EIF4A1: variants seen among roughly 807,000 people sequenced by gnomAD.
EIF4A1 encodes the protein eukaryotic translation initiation factor 4A1.
EIF4A1 carries 11 observed loss-of-function variants against 53.5 expected under a neutral mutation model. That is an observed-to-expected ratio of 0.21 (90% CI 0.13 to 0.34). The LOEUF (loss-of-function observed/expected upper bound fraction) is 0.34, where lower values mean the gene tolerates loss of function less well. Ranked by LOEUF, EIF4A1 falls within the 10% of genes least tolerant of loss-of-function variation. The pLI, the probability that EIF4A1 is intolerant of heterozygous loss-of-function variation, is 1.00. For missense variants in EIF4A1, 213 were observed against 530.8 expected, an observed-to-expected ratio of 0.40 and a Z score of 5.88; for synonymous variants, 237 against 186.7, an observed-to-expected ratio of 1.27 and a Z score of -2.20.
At chr17:7,574,481 T>C in intron 2 of EIF4A1, 65 bp from the exon 3 acceptor site, 1 of 1,606,568 alleles carries the variant, frequency 6.2e-7, no homozygotes, top group Middle Eastern at 1.7e-4. Flanking sequence ...TTCTGTTTGC[T>C]CGGAGACTAC....
At chr17:7,574,480 C>A (rs2071373228) in intron 2 of EIF4A1, 66 bp from the exon 3 acceptor site, 1 of 1,605,796 alleles carries the variant, frequency 6.2e-7, no homozygotes, top group Non-Finnish European at 8.5e-7. Flanking sequence ...ATTCTGTTTG[C>A]TCGGAGACTA....
chr17:7,575,090 CACATTCA>C (rs1567733724), intron 3 of EIF4A1, 22 bp from the exon 4 acceptor site: 1 of 1,610,568 alleles, frequency 6.2e-7, no homozygotes, highest in African/African-American at 1.3e-5. Flanking sequence ...TGCTCTTTAC[CACATTCA>C]ACTCCTAATT....
rs533866796 is a variant in EIF4A1, at chr17:7,574,027, A to G, written c.24-233A>G. On this transcript the variant is annotated intron_variant, in intron 1 of 10. Transcript: ENST00000293831. ...CACGCCTGCCGGCCTGTCTTCAGAA[A>G]GGGTCACCCCCTTATGTCGGGGGTG... 24 of 543,508 alleles carry G rather than the reference A, an allele frequency of 4.4e-5. No homozygotes were observed. In the East Asian group the frequency reaches 6.7e-4, roughly 15 times the overall value. The allele number at this position is 543,508 out of a possible 1,614,324, so 33.7% of individuals were successfully genotyped here. A position where few individuals can be genotyped will look rare whatever the true frequency, so the allele number is the denominator to read the frequency against.
Position 7,574,261 on chromosome 17 carries a change from T to C in EIF4A1, c.25T>C (p.Ser9Pro), listed in dbSNP as rs543948989. The C allele has an allele frequency of 1.9e-5, 31 of 1,613,914 alleles. No individual in the cohort carries two copies. In the East Asian group the frequency reaches 6.9e-4, roughly 36 times the overall value. Residue 9 changes from serine (S) to proline (P), a missense_variant and splice_region_variant, in exon 2 of 11, where the codon TCC (serine) becomes CCC (proline). Ser to Pro is a moderately conservative substitution (Grantham distance 74, BLOSUM62 -1). Transcript: ENST00000293831. ...AAAACTTATGCTTTAAACCAACAGA[T>C]CCAGAGACAATGGCCCCGATGGGAT... Reference protein sequence around the residue: MSASQDSRSRDNGPDGMEP... With the variant: MSASQDSRPRDNGPDGMEP...
At chr17:7,574,903 T>C in intron 3 of EIF4A1, 1 of 1,023,308 alleles carries the variant, frequency 9.8e-7, no homozygotes, top group Non-Finnish European at 1.5e-6. Context: ...TACAGCCATG[T>C]TTCTAGTCCA....
In EIF4A1 at chr17:7,576,542, G is replaced by A; in HGVS notation, c.364G>A (p.Ala122Thr). Residue 122 changes from alanine (A) to threonine (T), a missense_variant, in exon 5 of 11, where the codon GCA (alanine) becomes ACA (threonine). Transcript: ENST00000293831. Reference sequence around the variant, plus strand: ...TGCTCAGATACAGAAGGTGGTCATGGCACTAGGAGACTACATGGGCGCCTC... The same window carrying A: ...TGCTCAGATACAGAAGGTGGTCATGACACTAGGAGACTACATGGGCGCCTC... Reference protein sequence around the residue: ...LAQQIQKVVMALGDYMGASCH... With the variant: ...LAQQIQKVVMTLGDYMGASCH... 6.2e-7 allele frequency: 1 copy of A among 1,601,630 alleles called. No homozygotes were observed. The highest frequency in any genetic ancestry group is 8.5e-7 in the Non-Finnish European group (1 of 1,173,320).
In EIF4A1 at chr17:7,577,330, T is replaced by G. The variant is rs184646196; in HGVS notation, c.625-14T>G. The G allele has an allele frequency of 3.8e-4, 611 of 1,612,894 alleles. 2 individuals carry two copies. The Middle Eastern group carries it at 4.0e-3, about 11-fold the overall frequency. ...AGGAACCAGCACTCTAAGACTGGCC[T>G]TTTTTTCCACTAGGTAGTTTTGCTG... is the stretch of plus-strand genomic sequence containing the variant. On this transcript the variant is annotated splice_polypyrimidine_tract_variant and intron_variant, in intron 6 of 10. Coordinates refer to ENST00000293831, the MANE Select transcript of EIF4A1 (RefSeq NM_001416.4). This position sits in a 1 kb window ranked among gnomAD's most constrained non-coding sequence, Gnocchi z 4.7.
In EIF4A1 at chr17:7,576,620, C is replaced by T; in HGVS notation, c.442C>T (p.Gln148Ter). 1 of 1,614,090 alleles carries T rather than the reference C, an allele frequency of 6.2e-7. No homozygotes were observed. Among genetic ancestry groups the T allele is most frequent in the Non-Finnish European group, 8.5e-7 (1 of 1,179,984 alleles). Reference protein sequence around the residue: ...TNVRAEVQKLQMEAPHIIVGT... With the variant: ...TNVRAEVQKL ...CGTGCGTGCTGAGGTGCAGAAACTG[C>T]AGATGGAAGCTCCCCACATCATCGT... The change falls in exon 5 of 11, where the codon CAG (glutamine) becomes TAG (stop). Residue 148 changes from glutamine (Q) to a stop codon, truncating the protein, a stop_gained. Coordinates refer to ENST00000293831, the MANE Select transcript of EIF4A1 (RefSeq NM_001416.4). LOFTEE classifies it high-confidence loss of function.
chr17:7,574,318 G>A lies in EIF4A1; in HGVS notation c.72+10G>A, dbSNP rs1440915127. The A allele has an allele frequency of 5.0e-6, 8 of 1,614,086 alleles. No homozygotes were observed. The highest frequency in any genetic ancestry group is 4.0e-5 in the African/African-American group (3 of 74,922). ...CGAAGGCGTCATCGAGGTGAGACTGGAGAAATGGAATTCTGTCCTCCCCCA... is the reference window on the plus strand; with the variant it reads ...CGAAGGCGTCATCGAGGTGAGACTGAAGAAATGGAATTCTGTCCTCCCCCA... On this transcript the variant is annotated intron_variant, in intron 2 of 10. Coordinates refer to ENST00000293831, the MANE Select transcript of EIF4A1 (RefSeq NM_001416.4).
intron 3 of EIF4A1, 62 bp from the exon 4 acceptor site, chr17:7,575,057 G>C: frequency 6.3e-7 from 1 of 1,597,962 alleles, no homozygotes; most frequent in Non-Finnish European, 8.5e-7. Context: ...CATTAACCTA[G>C]GACTTGAATA....
chr17:7,573,240 CGGGGGAGGGACGGCGCGCG>C, intron 1 of EIF4A1: 7 of 384,706 alleles, frequency 1.8e-5, no homozygotes, highest in Non-Finnish European at 1.9e-5. Context: ...CTCCCTGTGC[CGGGGGAGGGACGGCGCGCG>C]GGGTTCCGGA....
chr17:7,574,768 C>G (rs758642969), intron 3 of EIF4A1, 90 bp downstream of exon 3: 21 of 1,593,484 alleles, frequency 1.3e-5, no homozygotes, highest in Non-Finnish European at 1.0e-5. Flanking sequence ...TCATATCAGC[C>G]AGGGACAAAG....
chr17:7,575,643 A>T, intron 4 of EIF4A1: 1 of 354,482 alleles, frequency 2.8e-6, no homozygotes, highest in East Asian at 7.0e-5. Flanking sequence ...GGGCACACAC[A>T]ATTCTAATGC....
chr17:7,574,525 T>G (rs1396529872), intron 2 of EIF4A1, 21 bp from the exon 3 acceptor site: 1 of 1,613,162 alleles, frequency 6.2e-7, no homozygotes, highest in Non-Finnish European at 8.5e-7. Context: ...ACTCAAGCTT[T>G]AATTTCTTTG....
In EIF4A1 at chr17:7,578,920, G is replaced by A. The variant is rs2071441044; in HGVS notation, c.*434G>A. The A allele has an allele frequency of 6.3e-6, 1 of 159,472 alleles. No individual in the cohort carries two copies. Among genetic ancestry groups the A allele is most frequent in the Non-Finnish European group, 1.4e-5 (1 of 72,522 alleles). 9.9% of individuals were successfully genotyped at this position (159,472 alleles called of 1,614,324 possible). A position where few individuals can be genotyped will look rare whatever the true frequency, so the allele number is the denominator to read the frequency against. On this transcript the variant is annotated 3_prime_UTR_variant, in exon 11 of 11. Coordinates refer to ENST00000293831, the MANE Select transcript of EIF4A1 (RefSeq NM_001416.4). ...TGGGGGGAAGCAGGGGAGAGAAAAT[G>A]GTAGCCATTTTTACATTGTTTTGTA... is the stretch of plus-strand genomic sequence containing the variant.
intron 1 of EIF4A1, chr17:7,573,857 C>T (rs901544253): frequency 1.0e-4 from 18 of 176,354 alleles, no homozygotes; most frequent in East Asian, 3.2e-4. Flanking sequence ...GGATGTCCTA[C>T]CCTCCGATCT....
intron 3 of EIF4A1, 157 bp downstream of exon 3, chr17:7,574,835 C>G: frequency 1.6e-6 from 2 of 1,279,578 alleles, no homozygotes; most frequent in Non-Finnish European, 2.2e-6. Flanking sequence ...TGGTTCATGC[C>G]TTGGACACAT....
intron 3 of EIF4A1, 129 bp downstream of exon 3, chr17:7,574,807 T>C (rs1253278859): frequency 6.7e-7 from 1 of 1,486,282 alleles, no homozygotes; most frequent in Non-Finnish European, 9.3e-7. Context: ...AGCTTGGCTT[T>C]TGATCCGTGC....
intron 1 of EIF4A1, chr17:7,573,181 T>C: frequency 5.6e-6 from 3 of 532,926 alleles, no homozygotes; most frequent in Non-Finnish European, 1.0e-5. Context: ...GAAAGAAAGG[T>C]GGAGGCGGCC....
Sources: gnomAD v4.1 joint callset for allele counts on GRCh38, gnomAD v4.1.1 for gene constraint, Gnocchi (gnomAD v3.1) non-coding constraint, MANE v1.5 for transcripts, NCBI Gene and HGNC (gene_info 2026-07-23, HGNC 2026-07-21) for gene names.